The following CSMD1 variants were observed in gnomAD, a reference collection of about 807,000 sequenced individuals.
The protein encoded by CSMD1 is CUB and sushi domain-containing protein 1.
In CSMD1, 213 loss-of-function variants were observed where a neutral mutation model predicts 417.5. That is an observed-to-expected ratio of 0.51 (90% CI 0.46 to 0.57). CSMD1 has a LOEUF of 0.57. Among genes scored for constraint, CSMD1 ranks in the 20% least tolerant of loss-of-function variants. The pLI, the probability that CSMD1 is intolerant of heterozygous loss-of-function variation, is 0.00. For missense variants in CSMD1, 6,923 were observed against 4,529.7 expected (o/e 1.53, Z -15.17); for synonymous variants, 2,862 against 1,736.8 (o/e 1.65, Z -16.11).
intron 67 of CSMD1, 93 bp downstream of exon 67, chr8:2,950,138 T>C: frequency 2.5e-6 from 2 of 806,480 alleles, no homozygotes; most frequent in Non-Finnish European, 4.2e-6. Flanking sequence ...AAGACAGCTC[T>C]ACTCAGAAGC....
chr8:4,969,469 C>G (rs148407074), intron 1 of CSMD1, among the ~76,000 whole-genome samples: 2 of 151,234 alleles, frequency 1.3e-5, no homozygotes, highest in Non-Finnish European at 2.9e-5. Flanking sequence ...TATTCATATT[C>G]ATTCATTCTC....
At chr8:3,185,749 AC>A (rs1479533620) in intron 36 of CSMD1, among the ~76,000 whole-genome samples, 1 of 152,242 alleles carries the variant, frequency 6.6e-6, no homozygotes, top group Admixed American at 6.5e-5. Context: ...AGCAGGTTTT[AC>A]CAACTGAATT....
chr8:2,959,559 T>C (rs1585053008), intron 62 of CSMD1, among the ~76,000 whole-genome samples: 1 of 114,878 alleles, frequency 8.7e-6, no homozygotes, highest in South Asian at 2.4e-4. Flanking sequence ...TTCTCAATAA[T>C]TTTTTTTTTA....
intron 1 of CSMD1, among the ~76,000 whole-genome samples, chr8:4,750,532 T>C (rs1442735384): frequency 6.6e-6 from 1 of 152,188 alleles, no homozygotes; most frequent in Non-Finnish European, 1.5e-5. Context: ...TTTTCCTATA[T>C]TTTGAAAATT....
intron 1 of CSMD1, among the ~76,000 whole-genome samples, chr8:4,745,143 A>C (rs1461285250): frequency 6.6e-6 from 1 of 152,188 alleles, no homozygotes; most frequent in East Asian, 1.9e-4. Flanking sequence ...TCATACTTTT[A>C]AAATTAGATT....
chr8:4,095,034 A>C (rs7830014), intron 3 of CSMD1, among the ~76,000 whole-genome samples: 151,098 of 152,262 alleles, frequency 0.99, 74,981 homozygotes, highest in Middle Eastern at 1. Flanking sequence ...AGATCTTGAG[A>C]AAGTCATGTA....
chr8:3,156,250 G>A (rs898588749), intron 39 of CSMD1, among the ~76,000 whole-genome samples: 7 of 152,166 alleles, frequency 4.6e-5, no homozygotes, highest in African/African-American at 1.4e-4. Flanking sequence ...AATGGGTTCT[G>A]AGCACACCCC....
At chr8:4,152,065 T>C (rs1215655713) in intron 3 of CSMD1, among the ~76,000 whole-genome samples, 1 of 152,184 alleles carries the variant, frequency 6.6e-6, no homozygotes, top group African/African-American at 2.4e-5. Flanking sequence ...TTTTTTTCCC[T>C]TTATTAAGAA....
chr8:4,899,698 G>C (rs144448101), intron 1 of CSMD1, among the ~76,000 whole-genome samples: 63 of 152,278 alleles, frequency 4.1e-4, no homozygotes, highest in African/African-American at 1.4e-3. Context: ...AATGTGTATA[G>C]TTAAAAATTT....
At chr8:4,793,311 A>G (rs1213797404) in intron 1 of CSMD1, among the ~76,000 whole-genome samples, 1 of 152,208 alleles carries the variant, frequency 6.6e-6, no homozygotes, top group African/African-American at 2.4e-5. Context: ...CTCAAATGAT[A>G]ACACAGAAGA....
At chr8:4,614,354 C>T (rs1443882230) in intron 2 of CSMD1, among the ~76,000 whole-genome samples, 1 of 152,114 alleles carries the variant, frequency 6.6e-6, no homozygotes, top group Non-Finnish European at 1.5e-5. Flanking sequence ...CCATTACCTC[C>T]ATGGCTTGTC....
At chr8:4,945,493 T>A (rs1379267098) in intron 1 of CSMD1, among the ~76,000 whole-genome samples, 7 of 148,510 alleles carry the variant, frequency 4.7e-5, no homozygotes, top group African/African-American at 7.5e-5. Flanking sequence ...CCAAGAGTTT[T>A]AAAAAAACAA....
At chr8:4,457,021 G>C (rs1799532113) in intron 2 of CSMD1, among the ~76,000 whole-genome samples, 1 of 149,386 alleles carries the variant, frequency 6.7e-6, no homozygotes, top group East Asian at 2.0e-4. Flanking sequence ...GAAAATCAAT[G>C]TTAATCGCTG....
chr8:4,378,247 T>C (rs1033292810), intron 3 of CSMD1, among the ~76,000 whole-genome samples: 6 of 152,262 alleles, frequency 3.9e-5, no homozygotes, highest in Non-Finnish European at 7.3e-5. Context: ...ATTACTTTTC[T>C]ATTAACATTT....
intron 1 of CSMD1, among the ~76,000 whole-genome samples, chr8:4,674,874 C>A (rs1456948272): frequency 6.6e-6 from 1 of 152,068 alleles, no homozygotes; most frequent in African/African-American, 2.4e-5. Context: ...CTTTACATGA[C>A]GTTAGAAGGT....
rs139674003 is a variant in CSMD1, at chr8:4,351,327, T to C, written c.415+68626A>G. On this transcript the variant is annotated intron_variant, in intron 3 of 69. Coordinates refer to ENST00000635120, the MANE Select transcript of CSMD1 (RefSeq NM_033225.6). The stretch of plus-strand genomic sequence containing the variant: ...AATGCTAAATGTTTCTCCAGCTATA[T>C]AAAAACATTCAATGAAAATTTGAGG... Among the ~76,000 whole-genome samples, 572 of 152,336 alleles carry C rather than the reference T, an allele frequency of 3.8e-3. 3 individuals are homozygous for C. The highest frequency in any genetic ancestry group is 0.013 in the African/African-American group (551 of 41,582).
intron 5 of CSMD1, among the ~76,000 whole-genome samples, chr8:3,970,525 C>A (rs568578645): frequency 6.6e-6 from 1 of 152,086 alleles, no homozygotes; most frequent in East Asian, 1.9e-4. Context: ...TCCAGGAGGA[C>A]GATTAAGGAC....
At chr8:4,068,466 A>C (rs1167753813) in intron 3 of CSMD1, among the ~76,000 whole-genome samples, 1 of 152,232 alleles carries the variant, frequency 6.6e-6, no homozygotes, top group Non-Finnish European at 1.5e-5. Flanking sequence ...GAAGTCTTTC[A>C]TGACACCATA....
intron 3 of CSMD1, among the ~76,000 whole-genome samples, chr8:4,242,490 G>T (rs986166302): frequency 6.6e-6 from 1 of 152,168 alleles, no homozygotes; most frequent in Non-Finnish European, 1.5e-5. Context: ...GACTTCCTGA[G>T]AGCAATTTTC....
Sources: gnomAD v4.1 joint callset for allele counts (sites outside exome capture counted in the v4.1 genomes callset) on GRCh38, gnomAD v4.1.1 for gene constraint, MANE v1.5 for transcripts, NCBI Gene and HGNC (gene_info 2026-07-23, HGNC 2026-07-21) for gene names.